Variants in NUDCD1 observed in about 807,000 individuals in gnomAD.
The protein encoded by NUDCD1 is NudC domain containing 1.
In NUDCD1, 60 loss-of-function variants were observed where a neutral mutation model predicts 67.8. That is an observed-to-expected ratio of 0.88 (90% CI 0.72 to 1.10). The LOEUF (loss-of-function observed/expected upper bound fraction) is 1.10. Ranked by LOEUF, NUDCD1 falls within the 50% of genes least tolerant of loss-of-function variation. NUDCD1 has a pLI of 0.00. For synonymous variants in NUDCD1, 244 were observed against 230.8 expected (o/e 1.06, Z -0.52); for missense variants, 643 against 695.0 (o/e 0.93, Z 0.84).
intron 2 of NUDCD1, among the ~76,000 whole-genome samples, chr8:109,306,639 C>T (rs1040736863): frequency 6.6e-6 from 1 of 151,646 alleles, no homozygotes; most frequent in Non-Finnish European, 1.5e-5. Flanking sequence ...GAACCCCCCC[C>T]ACCCCCGGAC....
Position 109,241,767 on chromosome 8 carries a change from T to C in NUDCD1, c.*1242A>G, listed in dbSNP as rs1813371700. ...TACTTGCCCAGACAGGCAAAAGATA[T>C]GTTAGGAACAAAGCTTTTCTATCTT... is the stretch of plus-strand genomic sequence containing the variant. On this transcript the variant is annotated 3_prime_UTR_variant, in exon 10 of 10. Transcript: ENST00000239690. 1 of 247,486 alleles carries C rather than the reference T, an allele frequency of 4.0e-6. No individual in the cohort carries two copies. Among genetic ancestry groups the C allele is most frequent in the African/African-American group, 2.2e-5 (1 of 45,136 alleles). 15.3% of individuals were successfully genotyped at this position (247,486 alleles called of 1,614,324 possible).
intron 6 of NUDCD1, among the ~76,000 whole-genome samples, chr8:109,278,358 T>C (rs1303401522): frequency 6.6e-6 from 1 of 152,242 alleles, no homozygotes; most frequent in Non-Finnish European, 1.5e-5. Flanking sequence ...CAAAGGATTA[T>C]AATTTTAAAA....
chr8:109,291,421 A>T (rs1264444329), intron 4 of NUDCD1, among the ~76,000 whole-genome samples: 1 of 152,206 alleles, frequency 6.6e-6, no homozygotes, highest in Non-Finnish European at 1.5e-5. Flanking sequence ...CTGAGATTAC[A>T]GGCATGAGCC....
Position 109,293,425 on chromosome 8 carries a change from T to C in NUDCD1, c.559A>G (p.Ile187Val). 1 of 1,588,224 alleles carries C rather than the reference T, an allele frequency of 6.3e-7. No homozygotes were observed. The highest frequency in any genetic ancestry group is 8.6e-7 in the Non-Finnish European group (1 of 1,164,266). Residue 187 changes from isoleucine (I) to valine (V), a missense_variant, in exon 4 of 10, where the codon ATA (isoleucine) becomes GTA (valine). Physicochemically the swap from Ile to Val is conservative, Grantham distance 29. Transcript: ENST00000239690. ...TTCATATCCAATTCCTCTTTCTCTA[T>C]TCGAAGAAGTAGGGTAGCTATAGAA... Reference protein sequence around the residue: ...EHSIATLLLRIEKEELDMKGS... With the variant: ...EHSIATLLLRVEKEELDMKGS...
chr8:109,323,074 C>T (rs1563685656), intron 1 of NUDCD1, among the ~76,000 whole-genome samples: 3 of 152,180 alleles, frequency 2.0e-5, no homozygotes, highest in African/African-American at 4.8e-5. Flanking sequence ...TTAGCTGCTT[C>T]CCTAGGTTTA....
In NUDCD1 at chr8:109,281,004, T is replaced by C; in HGVS notation, c.992A>G (p.His331Arg). ...TTTAATTATCCATGTACTGCTTTCATGATCAATAGATGAATAGAGTTTTCC... is the reference window on the plus strand; with the variant it reads ...TTTAATTATCCATGTACTGCTTTCACGATCAATAGATGAATAGAGTTTTCC... The part of the protein sequence containing the change: ...LEGKLYSSID[H>R]ESSTWIIKES... The change falls in exon 6 of 10, where the codon CAT becomes CGT. Residue 331 changes from histidine to arginine, a missense_variant. By Grantham distance (29) the His-to-Arg change is conservative (BLOSUM62 0). Transcript: ENST00000239690. 6.2e-7 allele frequency: 1 copy of C among 1,607,536 alleles called. No homozygotes were observed. The highest frequency in any genetic ancestry group is 8.5e-7 in the Non-Finnish European group (1 of 1,174,394).
At chr8:109,306,764 CTA>C (rs940775521) in intron 2 of NUDCD1, among the ~76,000 whole-genome samples, 38 of 151,896 alleles carry the variant, frequency 2.5e-4, no homozygotes, top group African/African-American at 9.2e-4. Flanking sequence ...TTCTCAATTC[CTA>C]CAAAACCACA....
In NUDCD1 at chr8:109,242,977, TC is replaced by T; in HGVS notation, c.*31del. 1 of 1,449,938 alleles carries T rather than the reference TC, an allele frequency of 6.9e-7. No homozygotes were observed. Among genetic ancestry groups the T allele is most frequent in the Non-Finnish European group, 9.6e-7 (1 of 1,045,902 alleles). The allele number at this position is 1,449,938 out of a possible 1,614,324, so 89.8% of individuals were successfully genotyped here. A position where few individuals can be genotyped will look rare whatever the true frequency, so the allele number is the denominator to read the frequency against. ...ACCTCCAGGTACCACTGAATACTTT[TC>T]CAGTACAAAGAGGCCAATATGTTAG... On this transcript the variant is annotated 3_prime_UTR_variant, in exon 10 of 10. Coordinates refer to ENST00000239690, the MANE Select transcript of NUDCD1 (RefSeq NM_032869.4).
chr8:109,331,035 C>T (rs572948425), intron 1 of NUDCD1, among the ~76,000 whole-genome samples: 6 of 152,074 alleles, frequency 3.9e-5, no homozygotes, highest in African/African-American at 9.6e-5. Context: ...ACATGTACCC[C>T]GGAACTTCAA....
Position 109,243,185 on chromosome 8 carries a change from T to G in NUDCD1, c.1576A>C (p.Met526Leu), listed in dbSNP as rs201817819. ...TTTCTGTTGTAAAGTACAGTGGACA[T>G]GGGAGCAGGCTGACGATAGATGAAT... ...RVFIYRQPAP[M>L]STVLYNRKEG... Residue 526 changes from methionine (M) to leucine (L), a missense_variant, in exon 10 of 10, where the codon ATG becomes CTG. Transcript: ENST00000239690. The G allele has an allele frequency of 2.0e-4, 319 of 1,613,856 alleles. No homozygotes were observed. The highest frequency in any genetic ancestry group is 2.7e-4 in the Admixed American group (16 of 59,994).
chr8:109,268,574 A>C (rs1463326178), intron 8 of NUDCD1, among the ~76,000 whole-genome samples: 1 of 152,216 alleles, frequency 6.6e-6, no homozygotes, highest in Non-Finnish European at 1.5e-5. Flanking sequence ...AGGAGTACTA[A>C]GATGAACTGA....
At chr8:109,275,832 C>G (rs1485252571) in intron 6 of NUDCD1, among the ~76,000 whole-genome samples, 1 of 152,034 alleles carries the variant, frequency 6.6e-6, no homozygotes, top group Non-Finnish European at 1.5e-5. Context: ...AAGCATGGAT[C>G]TATAAGACAT....
In NUDCD1 at chr8:109,334,024, C is replaced by T. The variant is rs1192318427; in HGVS notation, c.-14G>A. ...CGCCACCTCCATCGCTTTCCAGGGC[C>T]GCAGCGTGAGAATTAATAAAGCCCT... On this transcript the variant is annotated 5_prime_UTR_variant, in exon 1 of 10. Coordinates refer to ENST00000239690, the MANE Select transcript of NUDCD1 (RefSeq NM_032869.4). 5 of 1,613,930 alleles carry T rather than the reference C, an allele frequency of 3.1e-6. No homozygotes were observed. Among genetic ancestry groups the T allele is most frequent in the African/African-American group, 1.3e-5 (1 of 74,930 alleles).
intron 2 of NUDCD1, among the ~76,000 whole-genome samples, chr8:109,313,560 T>C (rs572338813): frequency 6.6e-6 from 1 of 152,308 alleles, no homozygotes; most frequent in East Asian, 1.9e-4. Context: ...ATTTTAAGAC[T>C]GAGCAACTTG....
chr8:109,283,945 G>A (rs748061544), intron 5 of NUDCD1, among the ~76,000 whole-genome samples: 53 of 145,334 alleles, frequency 3.6e-4, no homozygotes, highest in Non-Finnish European at 6.9e-4. Context: ...AAATGTAAAT[G>A]ATCAAAACAT....
chr8:109,257,201 A>T (rs1447949260), intron 8 of NUDCD1, among the ~76,000 whole-genome samples: 1 of 152,136 alleles, frequency 6.6e-6, no homozygotes, highest in Non-Finnish European at 1.5e-5. Context: ...GAAAAGAAGA[A>T]GTTAAACTGT....
At chr8:109,329,670 G>T in intron 1 of NUDCD1, 1 of 727,370 alleles carries the variant, frequency 1.4e-6, no homozygotes, top group Non-Finnish European at 2.2e-6. Context: ...TTAGTATCTT[G>T]ATTGTGGTGA....
At position 109,245,900 on chromosome 8, in the gene NUDCD1, A is replaced by ATGC. The variant is rs899024407; in HGVS notation, c.1300-420_1300-419insGCA. Among the ~76,000 whole-genome samples the ATGC allele has an allele frequency of 6.7e-4, 102 of 152,326 alleles. 1 individual carries two copies. Among genetic ancestry groups the ATGC allele is most frequent in the Middle Eastern group, 3.4e-3 (1 of 294 alleles). ...TAGGAACTGGGCCGCACAGCAAGAGATGAGCAGCAGGCAAGGGAGCATTAC... is the reference window on the plus strand; with the variant it reads ...TAGGAACTGGGCCGCACAGCAAGAGATGCTGAGCAGCAGGCAAGGGAGCATTAC... On this transcript the variant is annotated intron_variant, in intron 8 of 9. Transcript: ENST00000239690.
intron 2 of NUDCD1, 26 bp from the exon 3 acceptor site, chr8:109,296,595 A>G: frequency 6.8e-7 from 1 of 1,465,074 alleles, no homozygotes; most frequent in African/African-American, 1.4e-5. Context: ...ATTATACATT[A>G]ATCTCTTCCT....
Sources: gnomAD v4.1 joint callset for allele counts (sites outside exome capture counted in the v4.1 genomes callset) on GRCh38, gnomAD v4.1.1 for gene constraint, MANE v1.5 for transcripts, NCBI Gene and HGNC (gene_info 2026-07-23, HGNC 2026-07-21) for gene names.